ASAH1: variants seen among roughly 807,000 people sequenced by gnomAD.
ASAH1 encodes N-acylsphingosine amidohydrolase 1.
In ASAH1, 70 loss-of-function variants were observed where a neutral mutation model predicts 59.5. That is an observed-to-expected ratio of 1.18 (90% confidence interval 0.97 to 1.43). ASAH1 has a LOEUF of 1.43. Ranked by LOEUF, ASAH1 falls within the 40% of genes most tolerant of loss-of-function variation. ASAH1 has a pLI of 0.00. For missense variants in ASAH1, 660 were observed against 482.5 expected, an observed-to-expected ratio of 1.37 and a Z score of -3.45; for synonymous variants, 213 against 166.5, an observed-to-expected ratio of 1.28 and a Z score of -2.15.
intron 6 of ASAH1, 96 bp from the exon 7 acceptor site, chr8:18,063,326 C>CTCTGTCTCAA: frequency 8.2e-7 from 1 of 1,217,936 alleles, no homozygotes; most frequent in Non-Finnish European, 1.2e-6. Context: ...ATTTTTGAGA[C>CTCTGTCTCAA]AGAGTCTCGT....
intron 2 of ASAH1, among the ~76,000 whole-genome samples, chr8:18,073,833 A>T (rs1800277731): frequency 6.6e-6 from 1 of 152,364 alleles, no homozygotes; most frequent in South Asian, 2.1e-4. Flanking sequence ...GGATAAGAGC[A>T]AAGCCGAGGC....
intron 12 of ASAH1, 88 bp downstream of exon 12, chr8:18,059,253 A>T: frequency 6.3e-7 from 1 of 1,593,706 alleles, no homozygotes; most frequent in South Asian, 1.1e-5. Context: ...GACGTTTATA[A>T]ATTACTTGAA....
chr8:18,058,984 C>T, intron 12 of ASAH1, 93 bp from the exon 13 acceptor site: 1 of 1,139,152 alleles, frequency 8.8e-7, no homozygotes, highest in East Asian at 2.4e-5. Flanking sequence ...CCAAGACATT[C>T]TTTAATCAAC....
chr8:18,059,016 G>C (rs1054603319), intron 12 of ASAH1, 125 bp from the exon 13 acceptor site: 1 of 869,794 alleles, frequency 1.1e-6, no homozygotes, highest in African/African-American at 1.7e-5. Flanking sequence ...CCCCGCAGTG[G>C]AGTTTCTGTG....
chr8:18,075,629 C>T, intron 1 of ASAH1, 42 bp from the exon 2 acceptor site: 2 of 1,592,080 alleles, frequency 1.3e-6, no homozygotes, highest in East Asian at 2.2e-5. Context: ...ATAACAAATG[C>T]TTGCCAACGG....
chr8:18,062,827 A>T, intron 7 of ASAH1: 1 of 371,388 alleles, frequency 2.7e-6, no homozygotes, highest in Non-Finnish European at 5.0e-6. Flanking sequence ...CATCAATATA[A>T]CACAACCTAC....
At chr8:18,072,559 G>C (rs998356243) in intron 2 of ASAH1, among the ~76,000 whole-genome samples, 2 of 152,092 alleles carry the variant, frequency 1.3e-5, no homozygotes, top group Non-Finnish European at 2.9e-5. Context: ...CATAGTGAAC[G>C]AATTTTGTTC....
intron 13 of ASAH1, 97 bp from the exon 14 acceptor site, chr8:18,057,720 G>C: frequency 1.4e-6 from 1 of 699,472 alleles, no homozygotes; most frequent in Admixed American, 2.4e-5. Flanking sequence ...TGCTTTAGAA[G>C]TTATTTAATA....
intron 6 of ASAH1, chr8:18,064,163 A>T (rs1799830026): frequency 3.8e-6 from 2 of 529,582 alleles, no homozygotes; most frequent in Non-Finnish European, 6.6e-6. Flanking sequence ...CTTCCATCAA[A>T]GCATGTAGAT....
chr8:18,069,683 G>C, intron 4 of ASAH1, 109 bp downstream of exon 4: 2 of 756,018 alleles, frequency 2.6e-6, no homozygotes, highest in Non-Finnish European at 4.5e-6. Context: ...CTAGATTCAT[G>C]CAGATTTGCC....
intron 10 of ASAH1, 34 bp from the exon 11 acceptor site, chr8:18,059,737 T>C (rs762994309): frequency 6.6e-7 from 1 of 1,526,596 alleles, no homozygotes; most frequent in South Asian, 1.2e-5. Flanking sequence ...AAAATGAAAC[T>C]TTTTTTTAAT....
At chr8:18,062,865 GTTCT>G (rs1474478850) in intron 7 of ASAH1, 22 of 282,180 alleles carry the variant, frequency 7.8e-5, no homozygotes, top group East Asian at 5.3e-4. Flanking sequence ...ACAGTTCTGT[GTTCT>G]TTTTTTTTTT....
At chr8:18,076,066 C>T (rs1374097480) in intron 1 of ASAH1, 1 of 205,618 alleles carries the variant, frequency 4.9e-6, no homozygotes, top group Non-Finnish European at 1.0e-5. Context: ...AGCCTCATCT[C>T]CTGACACTCC....
At chr8:18,084,921 C>T (rs1023318548), upstream of ASAH1, 13 of 1,431,810 alleles carry the variant, frequency 9.1e-6, no homozygotes, top group African/African-American at 1.7e-4. Context: ...TCGTGCCATC[C>T]GTGGACACAG....
At chr8:18,065,685 AACTT>A (rs1304878786) in intron 5 of ASAH1, 1 of 152,178 alleles carries the variant, frequency 6.6e-6, no homozygotes, top group Non-Finnish European at 1.5e-5. Context: ...AGAAATCAGT[AACTT>A]AAATAAATAT....
chr8:18,083,803 G>T, intron 1 of ASAH1, 178 bp downstream of exon 1: 1 of 1,300,364 alleles, frequency 7.7e-7, no homozygotes, highest in Non-Finnish European at 1.0e-6. Context: ...AATCTACCGA[G>T]GACGGGGTTC....
intron 8 of ASAH1, chr8:18,061,950 G>GC (rs1314671500): frequency 1.9e-5 from 12 of 639,512 alleles, no homozygotes; most frequent in Non-Finnish European, 3.0e-5. Context: ...CACTGGCAAC[G>GC]CTTTTTGGAC....
chr8:18,062,490 G>A, intron 7 of ASAH1, 67 bp from the exon 8 acceptor site: 1 of 1,562,776 alleles, frequency 6.4e-7, no homozygotes, highest in Non-Finnish European at 8.8e-7. Context: ...ATGATGATGA[G>A]GGCCAGGCAT....
intron 7 of ASAH1, 103 bp from the exon 8 acceptor site, chr8:18,062,526 T>A (rs1302512011): frequency 2.4e-6 from 3 of 1,237,378 alleles, no homozygotes; most frequent in Non-Finnish European, 3.6e-6. Context: ...ATTTACCGAG[T>A]CACCACGATC....
Sources: gnomAD v4.1 joint callset for allele counts (sites outside exome capture counted in the v4.1 genomes callset) on GRCh38, gnomAD v4.1.1 for gene constraint, MANE v1.5 for transcripts, NCBI Gene and HGNC (gene_info 2026-07-23, HGNC 2026-07-21) for gene names.